Variants in NUDCD3 observed in about 807,000 individuals in gnomAD.
NUDCD3 encodes the protein nudC domain-containing protein 3.
In NUDCD3, 13 loss-of-function variants were observed where a neutral mutation model predicts 39.7. That is an observed-to-expected ratio of 0.33 (90% CI 0.21 to 0.52). The LOEUF (loss-of-function observed/expected upper bound fraction) is 0.52, where lower values mean the gene tolerates loss of function less well. Among genes scored for constraint, NUDCD3 ranks in the 20% least tolerant of loss-of-function variants. The pLI is 0.96. For synonymous variants in NUDCD3, 175 were observed against 172.4 expected (o/e 1.02, Z -0.12); for missense variants, 453 against 458.1 (o/e 0.99, Z 0.10).
rs1166618935 is a variant in NUDCD3, at chr7:44,480,356, A to G, written c.509+4612T>C. 2.0e-5 allele frequency among the ~76,000 whole-genome samples: 3 copies of G among 152,240 alleles called. No individual in the cohort carries two copies. In the East Asian group the frequency reaches 5.8e-4, roughly 29 times the overall value. On this transcript the variant is annotated intron_variant, in intron 2 of 5. Coordinates refer to ENST00000355451, the MANE Select transcript of NUDCD3 (RefSeq NM_015332.4). ...AATATAGTAAGGGACAAAGATAAAAATGAAGAACACTCACAATTCCACCAC... is the reference window on the plus strand; with the variant it reads ...AATATAGTAAGGGACAAAGATAAAAGTGAAGAACACTCACAATTCCACCAC...
chr7:44,386,658 C>T (rs188465957), intron 5 of NUDCD3, among the ~76,000 whole-genome samples: 89 of 152,326 alleles, frequency 5.8e-4, no homozygotes, highest in African/African-American at 1.1e-3. Context: ...GGATGTGGCA[C>T]GGAGGAAGAA....
chr7:44,470,479 T>C (rs900761863), intron 2 of NUDCD3, among the ~76,000 whole-genome samples: 3 of 152,228 alleles, frequency 2.0e-5, no homozygotes, highest in Non-Finnish European at 4.4e-5. Context: ...CCCCCCAATG[T>C]TAGCCTCTCA....
intron 4 of NUDCD3, among the ~76,000 whole-genome samples, chr7:44,393,581 T>C (rs1396726746): frequency 6.6e-6 from 1 of 152,230 alleles, no homozygotes; most frequent in African/African-American, 2.4e-5. Context: ...GTTTGTCTAC[T>C]TTGCCCTAGA....
intron 3 of NUDCD3, among the ~76,000 whole-genome samples, chr7:44,419,482 C>G (rs977505423): frequency 2.6e-5 from 4 of 152,228 alleles, no homozygotes; most frequent in African/African-American, 7.2e-5. Context: ...TCTCCCAGCA[C>G]AGTGCTCGAG....
In NUDCD3 at chr7:44,424,024, A is replaced by G. The variant is rs200763770; in HGVS notation, c.642+3547T>C. Among the ~76,000 whole-genome samples the G allele has an allele frequency of 2.8e-4, 43 of 152,312 alleles. No homozygotes were observed. In the East Asian group the frequency reaches 8.1e-3, roughly 29 times the overall value. ...AACCATCTGATCTTCAACAAACCTA[A>G]CAAAAACAAGCAATGGGGAAAGGAC... On this transcript the variant is annotated intron_variant, in intron 3 of 5. Transcript: ENST00000355451.
chr7:44,479,938 C>T (rs892731320), intron 2 of NUDCD3, among the ~76,000 whole-genome samples: 3 of 152,158 alleles, frequency 2.0e-5, no homozygotes, highest in African/African-American at 7.2e-5. Flanking sequence ...AGATCGGTGC[C>T]ACAACTTCCT....
intron 5 of NUDCD3, among the ~76,000 whole-genome samples, chr7:44,390,462 T>C (rs551911501): frequency 3.9e-5 from 6 of 152,300 alleles, no homozygotes; most frequent in Admixed American, 1.3e-4. Context: ...ATTTTTATCA[T>C]CTCTCTGTAA....
intron 3 of NUDCD3, among the ~76,000 whole-genome samples, chr7:44,410,610 G>A (rs1798905064): frequency 1.3e-5 from 2 of 151,230 alleles, no homozygotes; most frequent in Non-Finnish European, 1.5e-5. Flanking sequence ...CTTGCAGTGA[G>A]TGGAGATCCT....
intron 2 of NUDCD3, among the ~76,000 whole-genome samples, chr7:44,450,442 T>C (rs962145146): frequency 6.6e-6 from 1 of 151,820 alleles, no homozygotes; most frequent in Non-Finnish European, 1.5e-5. Flanking sequence ...CCTCCCAAAG[T>C]GCTGGGATGA....
intron 3 of NUDCD3, among the ~76,000 whole-genome samples, chr7:44,412,457 T>C (rs1359294809): frequency 2.0e-5 from 3 of 152,216 alleles, no homozygotes; most frequent in Admixed American, 1.3e-4. Flanking sequence ...TTTTAAACAT[T>C]TGCATTTTAG....
intron 1 of NUDCD3, among the ~76,000 whole-genome samples, chr7:44,489,439 T>C (rs1230198097): frequency 6.6e-6 from 1 of 152,250 alleles, no homozygotes; most frequent in Non-Finnish European, 1.5e-5. Flanking sequence ...CTTACCAACC[T>C]GCAGCATGCA....
At chr7:44,456,063 C>CAACAAT (rs147726253) in intron 2 of NUDCD3, among the ~76,000 whole-genome samples, 2 of 119,252 alleles carry the variant, frequency 1.7e-5, no homozygotes, top group Non-Finnish European at 3.6e-5. Flanking sequence ...AAAAAACAAA[C>CAACAAT]AACAATAACA....
At chr7:44,405,534 G>A (rs1010143715) in intron 3 of NUDCD3, among the ~76,000 whole-genome samples, 2 of 152,118 alleles carry the variant, frequency 1.3e-5, no homozygotes, top group African/African-American at 2.4e-5. Context: ...AGAAGACACT[G>A]GGATCAAGTA....
intron 4 of NUDCD3, among the ~76,000 whole-genome samples, chr7:44,400,543 C>A (rs1232062882): frequency 6.6e-6 from 1 of 152,240 alleles, no homozygotes; most frequent in Non-Finnish European, 1.5e-5. Flanking sequence ...TGATGGGAGA[C>A]CTGCACTGGT....
chr7:44,383,886 C>T lies in NUDCD3; in HGVS notation c.*2125G>A, dbSNP rs1798350724. ...GAGCAAGGCGCGCAGGGACAGGCTC[C>T]ACAACCACACCAAGCACCGCAGTGT... On this transcript the variant is annotated 3_prime_UTR_variant, in exon 6 of 6. Coordinates refer to ENST00000355451, the MANE Select transcript of NUDCD3 (RefSeq NM_015332.4). The T allele has an allele frequency of 1.3e-5, 2 of 152,294 alleles. No homozygotes were observed. Among genetic ancestry groups the T allele is most frequent in the Non-Finnish European group, 2.9e-5 (2 of 68,102 alleles). The allele number at this position is 152,294 out of a possible 1,614,324, so 9.4% of individuals were successfully genotyped here. A position where few individuals can be genotyped will look rare whatever the true frequency, so the allele number is the denominator to read the frequency against.
intron 2 of NUDCD3, among the ~76,000 whole-genome samples, chr7:44,464,168 C>G (rs1800073825): frequency 1.4e-5 from 2 of 147,272 alleles, no homozygotes; most frequent in African/African-American, 5.0e-5. Context: ...GAGCCAAGAT[C>G]ATGCCACTGC....
At chr7:44,489,677 T>C (rs1197575744) in intron 1 of NUDCD3, 1 of 152,046 alleles carries the variant, frequency 6.6e-6, no homozygotes, top group Non-Finnish European at 1.5e-5. Flanking sequence ...CATCAAATAA[T>C]TGCCCTTAAA....
intron 2 of NUDCD3, among the ~76,000 whole-genome samples, chr7:44,455,501 C>T (rs1799874354): frequency 6.6e-6 from 1 of 152,032 alleles, no homozygotes; most frequent in African/African-American, 2.4e-5. Context: ...CACACAAAAC[C>T]TTTCCCTCTT....
At position 44,435,909 on chromosome 7, in the gene NUDCD3, G is replaced by C. The variant is rs148721819; in HGVS notation, c.510-8206C>G. ...CACTTTACAATAAAGACGAGGGGCA[G>C]AGAAGCATGGCCATCACAACCAGGA... On this transcript the variant is annotated intron_variant, in intron 2 of 5. Transcript: ENST00000355451. 4.1e-4 allele frequency among the ~76,000 whole-genome samples: 63 copies of C among 152,336 alleles called. 1 individual carries two copies. The South Asian group carries it at 8.5e-3, about 21-fold the overall frequency.
Sources: allele counts gnomAD v4.1 joint callset (sites outside exome capture counted in the v4.1 genomes callset), GRCh38; gene constraint gnomAD v4.1.1; transcripts MANE v1.5; gene names NCBI Gene and HGNC (gene_info 2026-07-23, HGNC 2026-07-21).